TRNT1: variants seen among roughly 807,000 people sequenced by gnomAD.
The protein encoded by TRNT1 is tRNA nucleotidyl transferase 1, also known as CCA tRNA nucleotidyltransferase 1, mitochondrial.
A neutral mutation model predicts 45.6 loss-of-function variants in TRNT1; 44 were observed. The observed-to-expected ratio is 0.97, with a 90% CI of 0.76 to 1.24. TRNT1 has a LOEUF of 1.24. Among genes scored for constraint, TRNT1 ranks in the 50% most tolerant of loss-of-function variants. The pLI is 0.00. For missense variants in TRNT1, 633 were observed against 504.4 expected (o/e 1.25, Z -2.44); for synonymous variants, 201 against 171.4 (o/e 1.17, Z -1.35).
downstream of TRNT1, chr3:3,152,966 G>T: frequency 3.3e-6 from 1 of 301,660 alleles, no homozygotes; most frequent in Non-Finnish European, 6.3e-6. Context: ...GCAGAAAGCA[G>T]TTTCCTTACC....
intron 2 of TRNT1, among the ~76,000 whole-genome samples, chr3:3,134,369 T>C (rs1705199160): frequency 6.6e-6 from 1 of 152,220 alleles, no homozygotes; most frequent in Non-Finnish European, 1.5e-5. Flanking sequence ...CTCAGTTGTC[T>C]TAAATGTTAT....
chr3:3,153,387 T>C, downstream of TRNT1: 2 of 1,121,768 alleles, frequency 1.8e-6, no homozygotes, highest in South Asian at 1.2e-5. Flanking sequence ...ATAATTCTGA[T>C]AAGGCAAGTA....
chr3:3,153,248 C>T (rs1706711047), downstream of TRNT1: 2 of 564,012 alleles, frequency 3.5e-6, no homozygotes, highest in Non-Finnish European at 6.5e-6. Flanking sequence ...TGCATTGTTG[C>T]TCTGAGTACC....
chr3:3,131,129 T>C (rs1227716260), intron 2 of TRNT1, among the ~76,000 whole-genome samples: 2 of 152,156 alleles, frequency 1.3e-5, no homozygotes, highest in African/African-American at 2.4e-5. Flanking sequence ...TGGAAGTCTT[T>C]GAAGTCTGGC....
downstream of TRNT1, chr3:3,151,114 T>C: frequency 6.5e-7 from 1 of 1,535,158 alleles, no homozygotes; most frequent in Non-Finnish European, 8.9e-7. Flanking sequence ...TATAAACCTA[T>C]CATGAAGACA....
intron 1 of TRNT1, chr3:3,127,877 C>T (rs1324117611): frequency 6.6e-6 from 1 of 152,172 alleles, no homozygotes; most frequent in Non-Finnish European, 1.5e-5. Context: ...GGTTGGGCTG[C>T]TTATTCTCGC....
intron 2 of TRNT1, among the ~76,000 whole-genome samples, chr3:3,136,431 T>G (rs1705328981): frequency 6.6e-6 from 1 of 152,198 alleles, no homozygotes; most frequent in African/African-American, 2.4e-5. Flanking sequence ...AGAGCACAGA[T>G]AGGAGTTGAT....
rs1199666424 is a variant in TRNT1, at chr3:3,147,995, C to T, written c.1146C>T (p.Ser382=). ...HCLLKEMQQW[S]IPPFPVSGHD... ...TCCTAAAGGAAATGCAGCAGTGGTC[C>T]ATTCCTCCATTTCCTGTAAGTGGCC... The change falls in exon 8 of 8, where the codon TCC becomes TCT. Residue 382 remains serine (S), a synonymous_variant. Transcript: ENST00000251607. The T allele has an allele frequency of 5.6e-6, 9 of 1,613,878 alleles. No individual in the cohort carries two copies. In the African/African-American group the frequency reaches 9.3e-5, roughly 17 times the overall value.
intron 4 of TRNT1, among the ~76,000 whole-genome samples, chr3:3,143,765 G>A (rs1212544437): frequency 2.0e-5 from 3 of 152,174 alleles, no homozygotes; most frequent in Admixed American, 6.5e-5. Flanking sequence ...TTGGGAGGCT[G>A]AAGCAGGAGA....
chr3:3,138,788 A>G (rs1363501849), intron 3 of TRNT1, among the ~76,000 whole-genome samples: 2 of 152,188 alleles, frequency 1.3e-5, no homozygotes, highest in Non-Finnish European at 2.9e-5. Flanking sequence ...CAGATGGAAG[A>G]TCTTTTATTT....
intron 4 of TRNT1, among the ~76,000 whole-genome samples, chr3:3,143,396 ATTTG>A (rs1396637216): frequency 8.5e-5 from 13 of 152,210 alleles, no homozygotes; most frequent in East Asian, 1.9e-4. Flanking sequence ...ATATGAGAAC[ATTTG>A]TTTATTACCA....
At chr3:3,149,673 T>A (rs965852593), downstream of TRNT1, 2 of 152,062 alleles carry the variant, frequency 1.3e-5, no homozygotes, top group African/African-American at 4.8e-5. Context: ...AAAGTAGACC[T>A]TAGAAAAAAT....
downstream of TRNT1, chr3:3,150,181 C>T (rs559557222): frequency 1.3e-5 from 2 of 152,228 alleles, no homozygotes; most frequent in South Asian, 4.1e-4. Flanking sequence ...TTGTATGGAA[C>T]AGTATAAATG....
chr3:3,152,252 A>T (rs1706614211), downstream of TRNT1, among the ~76,000 whole-genome samples: 1 of 151,458 alleles, frequency 6.6e-6, no homozygotes, highest in South Asian at 2.1e-4. Flanking sequence ...TTCCAGGTTC[A>T]AGAGATTCTT....
intron 2 of TRNT1, among the ~76,000 whole-genome samples, chr3:3,132,731 G>GAAAAAA (rs369384116): frequency 1.1e-5 from 1 of 88,962 alleles, no homozygotes; most frequent in Non-Finnish European, 2.4e-5. Flanking sequence ...CCTATTGAAG[G>GAAAAAA]AAAAAAAAAA....
Position 3,142,855 on chromosome 3 carries a change from CTTTTT to C in TRNT1, c.482-1728_482-1724del, listed in dbSNP as rs374078192. On this transcript the variant is annotated intron_variant, in intron 4 of 7. Coordinates refer to ENST00000251607, the MANE Select transcript of TRNT1 (RefSeq NM_182916.3). ...ATATTTTTGCCTATTTACATATTTT[CTTTTT>C]ATCATTTTCTTTTATGTCTTTTTGA... Among the ~76,000 whole-genome samples the C allele has an allele frequency of 5.1e-3, 775 of 152,228 alleles. 5 individuals are homozygous for C. The highest frequency in any genetic ancestry group is 0.017 in the African/African-American group (727 of 41,548).
intron 1 of TRNT1, 155 bp downstream of exon 1, chr3:3,127,145 G>GCCCCGACGCGGAGGTCGTGT (rs1704632629): frequency 6.6e-6 from 1 of 152,320 alleles, no homozygotes; most frequent in South Asian, 2.1e-4. Flanking sequence ...GGGCAAAATA[G>GCCCCGACGCGGAGGTCGTGT]CCCCGACGCG....
At chr3:3,135,554 G>T (rs575411124) in intron 2 of TRNT1, among the ~76,000 whole-genome samples, 2 of 152,294 alleles carry the variant, frequency 1.3e-5, no homozygotes, top group African/African-American at 4.8e-5. Flanking sequence ...TTGTGGAAAA[G>T]ATATCCTTAA....
At chr3:3,150,509 G>GAATT (rs1706447942), downstream of TRNT1, 1 of 211,856 alleles carries the variant, frequency 4.7e-6, no homozygotes, top group African/African-American at 2.4e-5. Flanking sequence ...CACATTGTAG[G>GAATT]AATTTAAGAT....
Sources: gnomAD v4.1 joint callset for allele counts (sites outside exome capture counted in the v4.1 genomes callset) on GRCh38, gnomAD v4.1.1 for gene constraint, MANE v1.5 for transcripts, NCBI Gene and HGNC (gene_info 2026-07-23, HGNC 2026-07-21) for gene names.